LRP1B: variants seen among roughly 807,000 people sequenced by gnomAD.
LRP1B encodes low-density lipoprotein receptor-related protein 1B.
LRP1B carries 217 observed loss-of-function variants against 556.6 expected under a neutral mutation model. The ratio of observed to expected loss-of-function variants is 0.39; its 90% CI spans 0.35 to 0.44. The LOEUF is 0.44. LRP1B is among the 20% of genes least tolerant of loss of function. The pLI is 1.00. For missense variants in LRP1B, 5,053 were observed against 5,620.8 expected (o/e 0.90, Z 3.23); for synonymous variants, 2,047 against 1,865.8 (o/e 1.10, Z -2.50).
chr2:141,065,388 T>C (rs116827777), intron 7 of LRP1B, among the ~76,000 whole-genome samples: 1 of 151,980 alleles, frequency 6.6e-6, no homozygotes, highest in Admixed American at 6.6e-5. Flanking sequence ...AAATTTGCCT[T>C]TTGACAGATA....
chr2:141,232,400 C>T (rs772910922), intron 5 of LRP1B, among the ~76,000 whole-genome samples: 48 of 152,282 alleles, frequency 3.2e-4, no homozygotes, highest in Middle Eastern at 3.4e-3. Context: ...TTGAAAGCAT[C>T]CTTGCTGCAA....
chr2:140,963,213 A>G (rs891861398), intron 18 of LRP1B, among the ~76,000 whole-genome samples: 1 of 152,098 alleles, frequency 6.6e-6, no homozygotes, highest in Non-Finnish European at 1.5e-5. Context: ...ATATTAACCA[A>G]TAAAGGATTT....
chr2:140,340,729 T>G (rs1681347801), intron 77 of LRP1B, among the ~76,000 whole-genome samples: 1 of 151,490 alleles, frequency 6.6e-6, no homozygotes, highest in African/African-American at 2.4e-5. Context: ...TCCAAAGTTT[T>G]GTTTTTTTTC....
intron 1 of LRP1B, among the ~76,000 whole-genome samples, chr2:141,872,828 T>G (rs552870852): frequency 2.6e-5 from 4 of 152,102 alleles, no homozygotes; most frequent in Non-Finnish European, 5.9e-5. Flanking sequence ...TTAAATTAAT[T>G]AATTAAAACA....
At chr2:141,100,924 A>T (rs1700444949) in intron 7 of LRP1B, among the ~76,000 whole-genome samples, 1 of 152,122 alleles carries the variant, frequency 6.6e-6, no homozygotes, top group South Asian at 2.1e-4. Context: ...AGTTGTTCAT[A>T]AAAATTTTTT....
At chr2:141,319,087 A>G (rs889477844) in intron 3 of LRP1B, among the ~76,000 whole-genome samples, 14 of 152,082 alleles carry the variant, frequency 9.2e-5, no homozygotes, top group African/African-American at 3.4e-4. Flanking sequence ...ATCAAATAAT[A>G]TTGGCACATA....
chr2:142,001,845 G>A (rs1702665351), intron 1 of LRP1B, among the ~76,000 whole-genome samples: 1 of 152,058 alleles, frequency 6.6e-6, no homozygotes, highest in Non-Finnish European at 1.5e-5. Flanking sequence ...GATTTTATCA[G>A]CTTCTGACAG....
At chr2:141,233,804 T>C (rs1399259242) in intron 5 of LRP1B, among the ~76,000 whole-genome samples, 1 of 152,086 alleles carries the variant, frequency 6.6e-6, no homozygotes, top group African/African-American at 2.4e-5. Flanking sequence ...TTCTAAGTGA[T>C]TGAAGTAATG....
rs1226782605 is a variant in LRP1B, at chr2:141,553,759, TTA to T, written c.206-73228_206-73227del. ...TATTATATATAAAATATATAATATA[TTA>T]TATATGTTTATATTATATATAAATA... On this transcript the variant is annotated intron_variant, in intron 2 of 90. Coordinates refer to ENST00000389484, the MANE Select transcript of LRP1B (RefSeq NM_018557.3). Among the ~76,000 whole-genome samples, 29 of 131,836 alleles carry T rather than the reference TTA, an allele frequency of 2.2e-4. No homozygotes were observed. The East Asian group carries it at 2.2e-3, about 10-fold the overall frequency. 86.5% of individuals were successfully genotyped at this position (131,836 alleles called of 152,430 possible). A position where few individuals can be genotyped will look rare whatever the true frequency, so the allele number is the denominator to read the frequency against.
At chr2:140,714,625 C>T (rs1687147466) in intron 37 of LRP1B, among the ~76,000 whole-genome samples, 1 of 152,076 alleles carries the variant, frequency 6.6e-6, no homozygotes, top group African/African-American at 2.4e-5. Context: ...TTATTAGAAA[C>T]AAACTAAACA....
intron 1 of LRP1B, among the ~76,000 whole-genome samples, chr2:142,010,690 G>T (rs1354208928): frequency 2.0e-5 from 3 of 151,904 alleles, no homozygotes; most frequent in Non-Finnish European, 4.4e-5. Context: ...TGCACATGTG[G>T]TTGTAGGCTG....
chr2:141,271,213 C>A (rs888776774), intron 3 of LRP1B, among the ~76,000 whole-genome samples: 1 of 150,940 alleles, frequency 6.6e-6, no homozygotes, highest in Non-Finnish European at 1.5e-5. Flanking sequence ...ATGCAGGGAA[C>A]AAAAGCTATG....
intron 82 of LRP1B, 114 bp downstream of exon 82, chr2:140,321,849 C>T: frequency 3.0e-6 from 3 of 997,916 alleles, no homozygotes; most frequent in South Asian, 3.2e-5. Flanking sequence ...AGAACCACTG[C>T]TATCAAGGTA....
rs2105299744 is a variant in LRP1B, at chr2:140,950,274, C to T, written c.3097G>A (p.Asp1033Asn). ...TTGATCTGGGCTTCATCACTGAAGT[C>T]CCCACAGTCATTGTCACCATCACAG... ...WACDGDNDCGDFSDEAQINCT... is the reference protein window; with the variant it reads ...WACDGDNDCGNFSDEAQINCT... The change falls in exon 20 of 91, where the codon GAC (aspartate) becomes AAC (asparagine). Residue 1033 changes from aspartate to asparagine, a missense_variant. Physicochemically the swap from Asp to Asn is conservative, Grantham distance 23. Coordinates refer to ENST00000389484, the MANE Select transcript of LRP1B (RefSeq NM_018557.3). 6.2e-7 allele frequency: 1 copy of T among 1,610,672 alleles called. No individual in the cohort carries two copies. Among genetic ancestry groups the T allele is most frequent in the Non-Finnish European group, 8.5e-7 (1 of 1,178,712 alleles).
rs543402014 is a variant in LRP1B at position 141,559,939 on chromosome 2, C to CA, written c.206-79407dup. Among the ~76,000 whole-genome samples the CA allele has an allele frequency of 2.9e-3, 435 of 151,232 alleles. 4 individuals are homozygous for CA. The highest frequency in any genetic ancestry group is 0.01 in the African/African-American group (420 of 41,362). On this transcript the variant is annotated intron_variant, in intron 2 of 90. Coordinates refer to ENST00000389484, the MANE Select transcript of LRP1B (RefSeq NM_018557.3). ...TCATCCAAGTTCCTTATTTTGCATC[C>CA]AAAAAAACAGAAACTCTGAGAATTT...
intron 1 of LRP1B, among the ~76,000 whole-genome samples, chr2:142,052,076 T>A (rs1382342842): frequency 6.6e-6 from 1 of 152,084 alleles, no homozygotes; most frequent in African/African-American, 2.4e-5. Context: ...TTTAAAAATA[T>A]TTGCAGAAAA....
intron 2 of LRP1B, among the ~76,000 whole-genome samples, chr2:141,661,483 T>A (rs1392061458): frequency 6.6e-6 from 1 of 152,112 alleles, no homozygotes; most frequent in South Asian, 2.1e-4. Context: ...GAAAGAAACA[T>A]AAATGACCTG....
intron 7 of LRP1B, among the ~76,000 whole-genome samples, chr2:141,093,343 A>C (rs558435401): frequency 1.3e-5 from 2 of 152,252 alleles, no homozygotes; most frequent in South Asian, 4.1e-4. Flanking sequence ...TAATAGGGGC[A>C]GGTCATCAAA....
intron 2 of LRP1B, among the ~76,000 whole-genome samples, chr2:141,565,933 G>C (rs141758690): frequency 9.8e-4 from 148 of 151,540 alleles, no homozygotes; most frequent in African/African-American, 3.4e-3. Context: ...CACTCTGCCT[G>C]GCACTTTACA....
Sources: gnomAD v4.1 joint callset for allele counts (sites outside exome capture counted in the v4.1 genomes callset) on GRCh38, gnomAD v4.1.1 for gene constraint, MANE v1.5 for transcripts, NCBI Gene and HGNC (gene_info 2026-07-23, HGNC 2026-07-21) for gene names.